The following CPVL variants were observed in gnomAD, a reference collection of about 807,000 sequenced individuals.
CPVL encodes the protein carboxypeptidase vitellogenic like.
In CPVL, 51 loss-of-function variants were observed where a neutral mutation model predicts 63.7. That is an observed-to-expected ratio of 0.80 (90% CI 0.64 to 1.01). The LOEUF (loss-of-function observed/expected upper bound fraction) is 1.01, where lower values mean the gene tolerates loss of function less well. Ranked by LOEUF, CPVL falls within the 50% of genes least tolerant of loss-of-function variation. The pLI, the probability that CPVL is intolerant of heterozygous loss-of-function variation, is 0.00. For synonymous variants in CPVL, 195 were observed against 206.0 expected (o/e 0.95, Z 0.46); for missense variants, 530 against 573.1 (o/e 0.92, Z 0.77).
At chr7:29,125,515 C>T (rs1789919489) in intron 1 of CPVL, among the ~76,000 whole-genome samples, 2 of 151,938 alleles carry the variant, frequency 1.3e-5, no homozygotes, top group African/African-American at 4.8e-5. Context: ...GCCTCAGCCC[C>T]CCATGTAGCT....
intron 2 of CPVL, among the ~76,000 whole-genome samples, chr7:29,115,649 AAAAG>A (rs56690508): frequency 0.13 from 19,786 of 152,110 alleles, 1,680 homozygotes; most frequent in East Asian, 0.33. Context: ...CCCAAAAAAA[AAAAG>A]GAGAGTAGAG....
chr7:28,995,604 C>A lies in CPVL; in HGVS notation c.*168G>T, dbSNP rs1278530599. 1.7e-6 allele frequency: 1 copy of A among 593,350 alleles called. No individual in the cohort carries two copies. Among genetic ancestry groups the A allele is most frequent in the East Asian group, 3.0e-5 (1 of 33,264 alleles). The allele number at this position is 593,350 out of a possible 1,614,324, so 36.8% of individuals were successfully genotyped here. ...GTACTCATGTTAATTTTGTAGTAAACATCTCCCCCCAAAAACAAAAGCTCA... is the reference window on the plus strand; with the variant it reads ...GTACTCATGTTAATTTTGTAGTAAAAATCTCCCCCCAAAAACAAAAGCTCA... On this transcript the variant is annotated 3_prime_UTR_variant, in exon 13 of 13. Coordinates refer to ENST00000265394, the MANE Select transcript of CPVL (RefSeq NM_031311.5).
intron 5 of CPVL, among the ~76,000 whole-genome samples, chr7:29,094,246 CAGG>C (rs1356309719): frequency 6.6e-6 from 1 of 151,928 alleles, no homozygotes. Flanking sequence ...GAGGCTGAGG[CAGG>C]AGAATTGCTT....
At chr7:29,136,250 A>G (rs1403548795) in intron 1 of CPVL, among the ~76,000 whole-genome samples, 1 of 152,256 alleles carries the variant, frequency 6.6e-6, no homozygotes, top group Non-Finnish European at 1.5e-5. Context: ...AAGTTTGGAC[A>G]GAAGTTATAA....
intron 7 of CPVL, chr7:29,080,164 T>C (rs1481038798): frequency 6.6e-6 from 1 of 152,130 alleles, no homozygotes; most frequent in Non-Finnish European, 1.5e-5. Flanking sequence ...CTGAGCTTAA[T>C]ACCTGGGTGA....
intron 1 of CPVL, among the ~76,000 whole-genome samples, chr7:29,123,597 G>GAAAAAAAAAAAAAAAAAAAAAAA (rs778757980): frequency 2.4e-5 from 1 of 41,246 alleles, no homozygotes; most frequent in Non-Finnish European, 4.8e-5. Context: ...AACTGGTTCA[G>GAAAAAAAAAAAAAAAAAAAAAAA]AAAAAAAAAA....
At chr7:29,022,062 T>C (rs1457505499) in intron 12 of CPVL, among the ~76,000 whole-genome samples, 2 of 152,168 alleles carry the variant, frequency 1.3e-5, no homozygotes, top group African/African-American at 4.8e-5. Context: ...GAGAGCTGCC[T>C]GCCTGGGGCT....
At chr7:29,069,743 C>T (rs541884997) in intron 9 of CPVL, among the ~76,000 whole-genome samples, 4 of 151,020 alleles carry the variant, frequency 2.6e-5, no homozygotes, top group Non-Finnish European at 5.9e-5. Flanking sequence ...TCCCCTGGGG[C>T]TCGGCATCCT....
At chr7:29,194,257 C>G (rs941990228) in intron 1 of CPVL, 1 of 152,178 alleles carries the variant, frequency 6.6e-6, no homozygotes, top group African/African-American at 2.4e-5. Flanking sequence ...GCGCTCGCCC[C>G]GCGCCCGGCC....
chr7:29,028,913 C>T (rs912731783), intron 12 of CPVL, among the ~76,000 whole-genome samples: 5 of 143,564 alleles, frequency 3.5e-5, no homozygotes, highest in Middle Eastern at 3.9e-3. Flanking sequence ...TGCAGTGAGC[C>T]GAGAGATCCT....
intron 1 of CPVL, among the ~76,000 whole-genome samples, chr7:29,189,575 G>C (rs1453710207): frequency 6.6e-6 from 1 of 152,108 alleles, no homozygotes; most frequent in Non-Finnish European, 1.5e-5. Context: ...AAGTGTCAGG[G>C]AACAAAGCCA....
chr7:29,146,964 A>T (rs1488763652), upstream of CPVL: 2 of 1,550,934 alleles, frequency 1.3e-6, no homozygotes, highest in Non-Finnish European at 1.7e-6. Context: ...ACTAGCAGTA[A>T]GCTCGCACCA....
At chr7:29,005,807 C>T (rs1242252583) in intron 12 of CPVL, among the ~76,000 whole-genome samples, 2 of 152,206 alleles carry the variant, frequency 1.3e-5, no homozygotes, top group Non-Finnish European at 2.9e-5. Context: ...CTCTCCTTCC[C>T]TGTCCAGTTT....
intron 5 of CPVL, among the ~76,000 whole-genome samples, chr7:29,159,320 G>T (rs1378785904): frequency 6.6e-6 from 1 of 152,178 alleles, no homozygotes; most frequent in Non-Finnish European, 1.5e-5. Context: ...GCAGAATAAG[G>T]GTTGAAACCC....
intron 3 of CPVL, among the ~76,000 whole-genome samples, chr7:29,111,861 G>T (rs1028860135): frequency 2.6e-5 from 4 of 152,208 alleles, no homozygotes; most frequent in African/African-American, 9.6e-5. Context: ...CCTCCATAGG[G>T]ATAGCTTTTT....
intron 11 of CPVL, among the ~76,000 whole-genome samples, chr7:29,036,163 G>C (rs1310069301): frequency 6.6e-6 from 1 of 152,132 alleles, no homozygotes; most frequent in South Asian, 2.1e-4. Context: ...TACACCTTCG[G>C]ACCAGTGCAG....
At chr7:29,075,514 C>A (rs1274524556) in intron 7 of CPVL, among the ~76,000 whole-genome samples, 1 of 70,182 alleles carries the variant, frequency 1.4e-5, no homozygotes. Context: ...TGAGAAGATA[C>A]TTCTTAAAAA....
At chr7:29,194,870 G>T (rs911922281) in intron 1 of CPVL, 4 of 1,322,328 alleles carry the variant, frequency 3.0e-6, no homozygotes, top group Non-Finnish European at 1.9e-6. Context: ...GGCTGCGAGC[G>T]GCCGGGCGAG....
intron 11 of CPVL, among the ~76,000 whole-genome samples, chr7:29,032,009 G>A (rs1198575765): frequency 6.6e-6 from 1 of 151,652 alleles, no homozygotes; most frequent in East Asian, 1.9e-4. Context: ...CTACTCTTAC[G>A]CTACTTTTAT....
Sources: gnomAD v4.1 joint callset for allele counts (sites outside exome capture counted in the v4.1 genomes callset) on GRCh38, gnomAD v4.1.1 for gene constraint, MANE v1.5 for transcripts, NCBI Gene and HGNC (gene_info 2026-07-23, HGNC 2026-07-21) for gene names.